Variants in PTPRJ observed in about 807,000 individuals in gnomAD.
PTPRJ encodes receptor-type tyrosine-protein phosphatase eta.
Under a neutral mutation model 141.3 loss-of-function variants are expected in PTPRJ, and 129 were observed. The ratio of observed to expected loss-of-function variants is 0.91; its 90% confidence interval spans 0.79 to 1.06. The LOEUF (loss-of-function observed/expected upper bound fraction) is 1.06. Ranked by LOEUF, PTPRJ falls within the 50% of genes least tolerant of loss-of-function variation. The pLI, the probability that PTPRJ is intolerant of heterozygous loss-of-function variation, is 0.00. For missense variants in PTPRJ, 1,601 were observed against 1,679.7 expected, an observed-to-expected ratio of 0.95 and a Z score of 0.82; for synonymous variants, 610 against 640.5, an observed-to-expected ratio of 0.95 and a Z score of 0.72.
rs1196040796 is a variant in PTPRJ, at chr11:48,168,546, A to G, written c.*1184A>G. The G allele has an allele frequency of 1.1e-4, 10 of 94,822 alleles. No individual in the cohort carries two copies. Among genetic ancestry groups the G allele is most frequent in the Admixed American group, 4.0e-4 (4 of 10,018 alleles). The allele number at this position is 94,822 out of a possible 1,614,324, so 5.9% of individuals were successfully genotyped here. A position where few individuals can be genotyped will look rare whatever the true frequency, so the allele number is the denominator to read the frequency against. ...CGGAATCTACTGTGTATATATATAT[A>G]TATATATATATATATATATATATAT... On this transcript the variant is annotated 3_prime_UTR_variant, in exon 25 of 25. Transcript: ENST00000418331.
chr11:48,041,887 A>G (rs1298749077), intron 1 of PTPRJ, among the ~76,000 whole-genome samples: 1 of 148,658 alleles, frequency 6.7e-6, no homozygotes, highest in Non-Finnish European at 1.5e-5. Context: ...TGTTGGGATT[A>G]CAGGTATGAG....
chr11:48,157,546 G>T (rs1405681589), intron 21 of PTPRJ, among the ~76,000 whole-genome samples: 1 of 152,214 alleles, frequency 6.6e-6, no homozygotes, highest in Non-Finnish European at 1.5e-5. Flanking sequence ...TTGCGTTTCT[G>T]CCAGTTTCTG....
At chr11:48,012,202 T>G (rs1438371934) in intron 1 of PTPRJ, among the ~76,000 whole-genome samples, 1 of 152,128 alleles carries the variant, frequency 6.6e-6, no homozygotes, top group Non-Finnish European at 1.5e-5. Context: ...TTTCTTTTTT[T>G]GTGAGTGCTT....
In PTPRJ at chr11:48,168,390, GTGTC is replaced by G. The variant is rs1383569093; in HGVS notation, c.*1032_*1035del. On this transcript the variant is annotated 3_prime_UTR_variant, in exon 25 of 25. Coordinates refer to ENST00000418331, the MANE Select transcript of PTPRJ (RefSeq NM_002843.4). ...ACTCAGGTTGGCATTTTATGTGTCTGTGTCTGTATGTGTGTGTGTATGTTCAGAA... is the reference window on the plus strand; with the variant it reads ...ACTCAGGTTGGCATTTTATGTGTCTGTGTATGTGTGTGTGTATGTTCAGAA... 6.6e-6 allele frequency: 1 copy of G among 151,456 alleles called. No homozygotes were observed. The highest frequency in any genetic ancestry group is 1.5e-5 in the Non-Finnish European group (1 of 67,896). 9.4% of individuals were successfully genotyped at this position (151,456 alleles called of 1,614,324 possible). A position where few individuals can be genotyped will look rare whatever the true frequency, so the allele number is the denominator to read the frequency against.
At chr11:48,032,031 T>C (rs144132616) in intron 1 of PTPRJ, among the ~76,000 whole-genome samples, 1 of 152,266 alleles carries the variant, frequency 6.6e-6, no homozygotes, top group Non-Finnish European at 1.5e-5. Flanking sequence ...TGAAATGAAG[T>C]AACTGCAGGC....
At chr11:48,021,191 T>C (rs1855109378) in intron 1 of PTPRJ, among the ~76,000 whole-genome samples, 1 of 151,970 alleles carries the variant, frequency 6.6e-6, no homozygotes, top group South Asian at 2.1e-4. Context: ...CTGTCCAACA[T>C]GGTGAAACCC....
chr11:48,021,419 AT>A (rs1855120062), intron 1 of PTPRJ, among the ~76,000 whole-genome samples: 2 of 99,048 alleles, frequency 2.0e-5, no homozygotes, highest in South Asian at 2.5e-4. Flanking sequence ...AAATAAATAA[AT>A]AAAATAAAAT....
In PTPRJ at chr11:48,062,381, C is replaced by T. The variant is rs975466492; in HGVS notation, c.97-47677C>T. ...ACAAATAATTAGCTGGGCGTAGTGG[C>T]GGGCGCCTGTAGTACCAGCTACTTG... On this transcript the variant is annotated intron_variant, in intron 1 of 24. Transcript: ENST00000418331. Among the ~76,000 whole-genome samples, 115 of 151,814 alleles carry T rather than the reference C, an allele frequency of 7.6e-4. 1 individual carries two copies. The highest frequency in any genetic ancestry group is 4.3e-4 in the Non-Finnish European group (29 of 67,742).
chr11:48,027,302 C>T (rs531267950), intron 1 of PTPRJ, among the ~76,000 whole-genome samples: 8 of 152,008 alleles, frequency 5.3e-5, no homozygotes, highest in South Asian at 2.1e-4. Context: ...CCACCGCGCC[C>T]GGCCCGGAAT....
intron 8 of PTPRJ, among the ~76,000 whole-genome samples, chr11:48,134,406 T>A (rs1419594696): frequency 6.6e-6 from 1 of 152,148 alleles, no homozygotes; most frequent in African/African-American, 2.4e-5. Flanking sequence ...GTTTCTAGGT[T>A]TTTATGTTTA....
At chr11:48,057,089 G>T (rs1239780839) in intron 1 of PTPRJ, among the ~76,000 whole-genome samples, 1 of 152,214 alleles carries the variant, frequency 6.6e-6, no homozygotes, top group Non-Finnish European at 1.5e-5. Context: ...CCGTGTCCTG[G>T]TGGTGTGGCC....
intron 11 of PTPRJ, among the ~76,000 whole-genome samples, chr11:48,142,431 A>G (rs1857253334): frequency 6.6e-6 from 1 of 152,114 alleles, no homozygotes; most frequent in Non-Finnish European, 1.5e-5. Flanking sequence ...CGCTTTGAGT[A>G]GTGTCAAGTC....
chr11:48,112,197 C>T (rs771965797), intron 2 of PTPRJ, among the ~76,000 whole-genome samples: 1 of 152,184 alleles, frequency 6.6e-6, no homozygotes, highest in Admixed American at 6.5e-5. Flanking sequence ...TCAGACAGAA[C>T]GTCTGGTCAC....
intron 10 of PTPRJ, among the ~76,000 whole-genome samples, chr11:48,139,131 T>G (rs1857172387): frequency 6.6e-6 from 1 of 151,148 alleles, no homozygotes; most frequent in Non-Finnish European, 1.5e-5. Context: ...AGACTCCGTC[T>G]CAAAAAAAAA....
Position 47,980,755 on chromosome 11 carries a change from C to T in PTPRJ, c.-158C>T. 2.0e-6 allele frequency: 2 copies of T among 1,017,892 alleles called. No homozygotes were observed. The highest frequency in any genetic ancestry group is 2.3e-6 in the Non-Finnish European group (2 of 853,696). 63.1% of individuals were successfully genotyped at this position (1,017,892 alleles called of 1,614,324 possible). A position where few individuals can be genotyped will look rare whatever the true frequency, so the allele number is the denominator to read the frequency against. ...GCCGCCGCCGCCGCTGCCATGTCTC[C>T]GGGGAAGCCCGGGGCGGGCGGAGCG... On this transcript the variant is annotated 5_prime_UTR_variant, in exon 1 of 25. Coordinates refer to ENST00000418331, the MANE Select transcript of PTPRJ (RefSeq NM_002843.4).
chr11:48,102,317 C>T (rs1394064494), intron 1 of PTPRJ, among the ~76,000 whole-genome samples: 1 of 152,186 alleles, frequency 6.6e-6, no homozygotes, highest in Non-Finnish European at 1.5e-5. Flanking sequence ...GAGGCTGACA[C>T]TCAGATCCAA....
At chr11:48,023,883 C>A (rs1307169555) in intron 1 of PTPRJ, among the ~76,000 whole-genome samples, 2 of 151,918 alleles carry the variant, frequency 1.3e-5, no homozygotes, top group African/African-American at 4.8e-5. Flanking sequence ...AGATCCACAA[C>A]TTTTTTGGTC....
intron 1 of PTPRJ, among the ~76,000 whole-genome samples, chr11:48,078,436 G>A (rs1390961762): frequency 1.3e-5 from 2 of 152,158 alleles, no homozygotes; most frequent in Non-Finnish European, 2.9e-5. Context: ...GGGTGGAAAG[G>A]TGTCCTGGAG....
intron 1 of PTPRJ, among the ~76,000 whole-genome samples, chr11:48,049,525 C>CAA (rs1414560963): frequency 9.1e-5 from 13 of 142,884 alleles, no homozygotes; most frequent in African/African-American, 3.7e-4. Flanking sequence ...TAAAACAAAA[C>CAA]AAAACAAAAC....
Sources: gnomAD v4.1 joint callset for allele counts (sites outside exome capture counted in the v4.1 genomes callset) on GRCh38, gnomAD v4.1.1 for gene constraint, MANE v1.5 for transcripts, NCBI Gene and HGNC (gene_info 2026-07-23, HGNC 2026-07-21) for gene names.